The following GUCY1B1 variants were observed in gnomAD, a reference collection of about 807,000 sequenced individuals.
GUCY1B1 encodes the protein guanylate cyclase 1 soluble subunit beta 1, also known as guanylate cyclase soluble subunit beta-1.
In GUCY1B1, 43 loss-of-function variants were observed where a neutral mutation model predicts 71.0. The ratio of observed to expected loss-of-function variants is 0.61; its 90% confidence interval spans 0.47 to 0.78. The LOEUF is 0.78. Ranked by LOEUF, GUCY1B1 falls within the 30% of genes least tolerant of loss-of-function variation. The pLI is 0.00. For missense variants in GUCY1B1, 535 were observed against 754.1 expected (o/e 0.71, Z 3.40); for synonymous variants, 266 against 259.7 (o/e 1.02, Z -0.23).
chr4:155,771,025 T>C lies in GUCY1B1; in HGVS notation c.78-3943T>C, dbSNP rs572092651. On this transcript the variant is annotated intron_variant, in intron 2 of 13. Transcript: ENST00000264424. ...GATCTTTACCTCTTTTGTTCATTGA[T>C]ATATTAAAAGTGCTTAGAAAAGTGC... Among the ~76,000 whole-genome samples the C allele has an allele frequency of 1.8e-4, 28 of 152,302 alleles. No homozygotes were observed. In the South Asian group the frequency reaches 2.7e-3, roughly 15 times the overall value.
At chr4:155,793,118 C>T (rs1423191562) in intron 5 of GUCY1B1, among the ~76,000 whole-genome samples, 1 of 152,076 alleles carries the variant, frequency 6.6e-6, no homozygotes, top group Non-Finnish European at 1.5e-5. Context: ...TTCTGTCGCC[C>T]AGGCTGGAAT....
At chr4:155,783,812 ACC>A (rs1250314932) in intron 4 of GUCY1B1, among the ~76,000 whole-genome samples, 2 of 152,186 alleles carry the variant, frequency 1.3e-5, no homozygotes, top group Non-Finnish European at 2.9e-5. Context: ...AAAAAAGAGC[ACC>A]ATTCACTTTA....
At chr4:155,776,358 G>C (rs1291391631) in intron 3 of GUCY1B1, among the ~76,000 whole-genome samples, 1 of 152,052 alleles carries the variant, frequency 6.6e-6, no homozygotes, top group Non-Finnish European at 1.5e-5. Flanking sequence ...AATAAGAAGG[G>C]ATTGGTTAAA....
chr4:155,805,577 C>T lies in GUCY1B1; in HGVS notation c.1836+348C>T, dbSNP rs1740259953. Among the ~76,000 whole-genome samples the T allele has an allele frequency of 2.0e-5, 3 of 152,044 alleles. No individual in the cohort carries two copies. The South Asian group carries it at 6.2e-4, about 31-fold the overall frequency. ...GCTCCCCTGACCCCTTTCCTCAGCTCTCTAAGTTGGCTCTGAGATCACCAC... is the reference window on the plus strand; with the variant it reads ...GCTCCCCTGACCCCTTTCCTCAGCTTTCTAAGTTGGCTCTGAGATCACCAC... On this transcript the variant is annotated intron_variant, in intron 13 of 13. Transcript: ENST00000264424.
intron 4 of GUCY1B1, among the ~76,000 whole-genome samples, chr4:155,787,366 A>T (rs966996639): frequency 6.6e-6 from 1 of 152,174 alleles, no homozygotes; most frequent in Non-Finnish European, 1.5e-5. Flanking sequence ...TCCATCAGGT[A>T]TAATTGTGGG....
chr4:155,782,474 A>C (rs1738500836), intron 4 of GUCY1B1, among the ~76,000 whole-genome samples: 1 of 152,222 alleles, frequency 6.6e-6, no homozygotes, highest in Non-Finnish European at 1.5e-5. Flanking sequence ...TTCATAAGAA[A>C]ATAGCTGATA....
At chr4:155,770,839 A>G (rs2111004619) in intron 2 of GUCY1B1, among the ~76,000 whole-genome samples, 1 of 152,290 alleles carries the variant, frequency 6.6e-6, no homozygotes, top group South Asian at 2.1e-4. Flanking sequence ...TACTGCATCC[A>G]GCCCCTTCCT....
At chr4:155,774,365 C>T (rs1737898720) in intron 2 of GUCY1B1, among the ~76,000 whole-genome samples, 1 of 152,128 alleles carries the variant, frequency 6.6e-6, no homozygotes, top group African/African-American at 2.4e-5. Context: ...CTAAATTGCT[C>T]GTGGCTTACT....
intron 2 of GUCY1B1, among the ~76,000 whole-genome samples, chr4:155,764,272 A>G (rs955872895): frequency 1.3e-5 from 2 of 152,236 alleles, no homozygotes; most frequent in African/African-American, 4.8e-5. Flanking sequence ...ACTTTATATT[A>G]TAAAGCAATT....
chr4:155,785,828 G>T (rs1738724153), intron 4 of GUCY1B1, among the ~76,000 whole-genome samples: 1 of 152,114 alleles, frequency 6.6e-6, no homozygotes, highest in Non-Finnish European at 1.5e-5. Flanking sequence ...ATTACATTAA[G>T]TGGTGTTCAA....
chr4:155,782,820 A>ACATG (rs575009949), intron 4 of GUCY1B1, among the ~76,000 whole-genome samples: 3 of 152,220 alleles, frequency 2.0e-5, no homozygotes, highest in Non-Finnish European at 4.4e-5. Flanking sequence ...AAACCCAGAC[A>ACATG]CATGAAATGA....
intron 6 of GUCY1B1, among the ~76,000 whole-genome samples, chr4:155,795,038 T>A (rs947595975): frequency 2.6e-5 from 4 of 152,308 alleles, no homozygotes; most frequent in East Asian, 1.9e-4. Flanking sequence ...TTTTAAAAGA[T>A]AAATTTTCAT....
intron 2 of GUCY1B1, among the ~76,000 whole-genome samples, chr4:155,771,886 T>C (rs553847567): frequency 6.6e-6 from 1 of 152,296 alleles, no homozygotes; most frequent in African/African-American, 2.4e-5. Context: ...CCATCAAATA[T>C]TCACTCAAAT....
In GUCY1B1 at chr4:155,799,620, G is replaced by A. The variant is rs529204176; in HGVS notation, c.978-257G>A. Among the ~76,000 whole-genome samples, 7 of 152,224 alleles carry A rather than the reference G, an allele frequency of 4.6e-5. No homozygotes were observed. The South Asian group carries it at 6.2e-4, about 14-fold the overall frequency. ...TCATAGAGATGTTTTCTACATGATC[G>A]TTTCAATTTAGACTGATGGCACCAA... On this transcript the variant is annotated intron_variant, in intron 8 of 13. Coordinates refer to ENST00000264424, the MANE Select transcript of GUCY1B1 (RefSeq NM_000857.5).
chr4:155,795,361 C>A lies in GUCY1B1; in HGVS notation c.747C>A (p.Ser249Arg), dbSNP rs775875591. The change falls in exon 7 of 14, where the codon AGC becomes AGA. Residue 249 changes from serine to arginine, a missense_variant. Ser to Arg is a moderately radical substitution (Grantham distance 110). Coordinates refer to ENST00000264424, the MANE Select transcript of GUCY1B1 (RefSeq NM_000857.5). Reference sequence around the variant, plus strand: ...TTTAGCTCCAGCCTGGGAATTGCAGCCTTCTGTCTGTCTTCTCGCTGGTTC... The same window carrying A: ...TTTAGCTCCAGCCTGGGAATTGCAGACTTCTGTCTGTCTTCTCGCTGGTTC... ...VLPQLQPGNC[S>R]LLSVFSLVRP... 2 of 1,604,586 alleles carry A rather than the reference C, an allele frequency of 1.2e-6. No homozygotes were observed. The highest frequency in any genetic ancestry group is 2.2e-5 in the South Asian group (2 of 90,680).
At chr4:155,774,780 G>C (rs766363298) in intron 2 of GUCY1B1, among the ~76,000 whole-genome samples, 188 bp from the exon 3 acceptor site, 3 of 151,958 alleles carry the variant, frequency 2.0e-5, no homozygotes, top group Non-Finnish European at 4.4e-5. Flanking sequence ...TTTAGGGAGG[G>C]GGATATGACA....
At chr4:155,784,841 A>T (rs1299335653) in intron 4 of GUCY1B1, among the ~76,000 whole-genome samples, 1 of 152,214 alleles carries the variant, frequency 6.6e-6, no homozygotes, top group Non-Finnish European at 1.5e-5. Context: ...CCCTGTAATT[A>T]TGTAAGAACT....
intron 1 of GUCY1B1, 104 bp downstream of exon 1, chr4:155,759,247 G>A (rs909930136): frequency 3.5e-5 from 41 of 1,172,260 alleles, no homozygotes; most frequent in Non-Finnish European, 5.0e-5. Flanking sequence ...GGGGCCCTGG[G>A]CGCTCACTGC....
chr4:155,762,350 T>G (rs1332222555), intron 2 of GUCY1B1, among the ~76,000 whole-genome samples: 2 of 152,198 alleles, frequency 1.3e-5, no homozygotes, highest in South Asian at 2.1e-4. Context: ...TTTGTCTCAG[T>G]AAGTACCAAA....
Sources: allele counts gnomAD v4.1 joint callset (sites outside exome capture counted in the v4.1 genomes callset), GRCh38; gene constraint gnomAD v4.1.1; transcripts MANE v1.5; gene names NCBI Gene and HGNC (gene_info 2026-07-23, HGNC 2026-07-21).